Variants in STXBP5L observed in about 807,000 individuals in gnomAD.
STXBP5L encodes syntaxin-binding protein 5-like.
STXBP5L carries 65 observed loss-of-function variants against 144.5 expected under a neutral mutation model. That is an observed-to-expected ratio of 0.45 (90% CI 0.37 to 0.55). STXBP5L has a LOEUF of 0.55. STXBP5L is among the 20% of genes least tolerant of loss of function. The pLI is 0.00. For synonymous variants in STXBP5L, 505 were observed against 469.6 expected, an observed-to-expected ratio of 1.08 and a Z score of -0.97; for missense variants, 1,298 against 1,405.5, an observed-to-expected ratio of 0.92 and a Z score of 1.22.
chr3:121,409,375 T>C (rs771653306), intron 23 of STXBP5L, among the ~76,000 whole-genome samples: 27 of 151,850 alleles, frequency 1.8e-4, no homozygotes, highest in Admixed American at 3.3e-4. Flanking sequence ...TAGTAAAATA[T>C]AGCAGAGAGG....
At chr3:121,330,761 C>T (rs2044297106) in intron 20 of STXBP5L, among the ~76,000 whole-genome samples, 1 of 152,194 alleles carries the variant, frequency 6.6e-6, no homozygotes, top group South Asian at 2.1e-4. Flanking sequence ...TGCATGACCT[C>T]AGCTACCAAC....
intron 8 of STXBP5L, among the ~76,000 whole-genome samples, chr3:121,156,762 TAAA>T (rs912292194): frequency 2.0e-5 from 3 of 151,838 alleles, no homozygotes; most frequent in African/African-American, 4.8e-5. Context: ...ATAATACAAA[TAAA>T]AAGACAGTAT....
intron 18 of STXBP5L, among the ~76,000 whole-genome samples, chr3:121,273,236 T>G (rs74381899): frequency 0.12 from 18,281 of 152,014 alleles, 1,155 homozygotes; most frequent in Non-Finnish European, 0.14. Flanking sequence ...TGTTTGTCTG[T>G]GAAAGTATCT....
At chr3:120,927,626 G>T (rs192055486) in intron 2 of STXBP5L, among the ~76,000 whole-genome samples, 15 of 152,310 alleles carry the variant, frequency 9.8e-5, no homozygotes, top group Admixed American at 8.5e-4. Context: ...AGGCAGATTG[G>T]TGTGAGTGGG....
chr3:121,214,605 G>C (rs1028158910), intron 10 of STXBP5L, among the ~76,000 whole-genome samples: 1 of 151,978 alleles, frequency 6.6e-6, no homozygotes, highest in African/African-American at 2.4e-5. Context: ...GCATTTGCTG[G>C]GGAATGTTTT....
chr3:121,018,127 T>A (rs1052159945), intron 3 of STXBP5L, among the ~76,000 whole-genome samples: 4 of 152,142 alleles, frequency 2.6e-5, no homozygotes, highest in Non-Finnish European at 4.4e-5. Context: ...GGTACATGGA[T>A]AGCAATATTC....
intron 2 of STXBP5L, among the ~76,000 whole-genome samples, chr3:120,948,248 A>G (rs898618053): frequency 1.3e-5 from 2 of 151,106 alleles, no homozygotes; most frequent in Admixed American, 1.3e-4. Context: ...TATATTATTT[A>G]TTTATTATAT....
chr3:121,044,588 G>A (rs569571359), intron 4 of STXBP5L, among the ~76,000 whole-genome samples: 5 of 152,268 alleles, frequency 3.3e-5, no homozygotes, highest in Admixed American at 2.6e-4. Context: ...TAATGCTCTG[G>A]ATTTAGGATC....
chr3:121,366,717 G>A (rs373598272), intron 20 of STXBP5L, among the ~76,000 whole-genome samples: 4 of 152,020 alleles, frequency 2.6e-5, no homozygotes, highest in Non-Finnish European at 4.4e-5. Context: ...CTTTTGAGTA[G>A]AGGCTTTAAT....
intron 19 of STXBP5L, among the ~76,000 whole-genome samples, chr3:121,286,638 A>C (rs2051241325): frequency 6.6e-6 from 1 of 152,210 alleles, no homozygotes; most frequent in African/African-American, 2.4e-5. Flanking sequence ...TGGCCTATCC[A>C]ACATGGAAAC....
intron 3 of STXBP5L, among the ~76,000 whole-genome samples, chr3:121,011,700 C>T (rs1364684195): frequency 1.3e-5 from 2 of 151,270 alleles, no homozygotes; most frequent in African/African-American, 4.8e-5. Context: ...ATTAAGATCC[C>T]AAATCCTCTT....
Position 121,376,450 on chromosome 3 carries a change from C to T in STXBP5L, c.2177-2266C>T, listed in dbSNP as rs115403508. On this transcript the variant is annotated intron_variant, in intron 20 of 26. Transcript: ENST00000471454. ...GGGTCCAGTTTCAGTTTTCTGTATA[C>T]GGCTAGCCGGTTTTCCCAGCACCAT... Among the ~76,000 whole-genome samples the T allele has an allele frequency of 8.5e-3, 1,294 of 152,182 alleles. 17 individuals are homozygous for T. Among genetic ancestry groups the T allele is most frequent in the African/African-American group, 0.029 (1,221 of 41,536 alleles).
chr3:121,206,030 G>T (rs368841056), intron 10 of STXBP5L, 29 bp downstream of exon 10: 21 of 1,355,934 alleles, frequency 1.5e-5, no homozygotes, highest in Non-Finnish European at 2.0e-5. Flanking sequence ...GGGAAAGAGG[G>T]ATACGAAGCA....
chr3:121,205,931 C>T lies in STXBP5L; in HGVS notation c.886C>T (p.Gln296Ter). The change falls in exon 10 of 27, where the codon CAA becomes TAA. Residue 296 changes from glutamine to a stop codon, truncating the protein, a stop_gained. Coordinates refer to ENST00000471454, the MANE Select transcript of STXBP5L (RefSeq NM_001308330.2). LOFTEE classifies it high-confidence loss of function. ...FQTTIPHGKS[Q>*]REGRKSESCK... ...ATATTTTTTTTCTTTAGGAAAAAGTCAAAGAGAAGGAAGAAAATCTGAATC... is the reference window on the plus strand; with the variant it reads ...ATATTTTTTTTCTTTAGGAAAAAGTTAAAGAGAAGGAAGAAAATCTGAATC... 1 of 1,494,126 alleles carries T rather than the reference C, an allele frequency of 6.7e-7. No individual in the cohort carries two copies. Among genetic ancestry groups the T allele is most frequent in the Non-Finnish European group, 8.9e-7 (1 of 1,120,230 alleles). The allele number at this position is 1,494,126 out of a possible 1,614,324, so 92.6% of individuals were successfully genotyped here. A position where few individuals can be genotyped will look rare whatever the true frequency, so the allele number is the denominator to read the frequency against.
intron 5 of STXBP5L, among the ~76,000 whole-genome samples, chr3:121,085,277 A>G (rs9833180): frequency 0.51 from 77,621 of 151,910 alleles, 20,289 homozygotes; most frequent in Admixed American, 0.6. Context: ...CGTTTTTGTC[A>G]TGAAATCTTT....
At chr3:120,923,607 A>G (rs1157502326) in intron 2 of STXBP5L, among the ~76,000 whole-genome samples, 7 of 151,984 alleles carry the variant, frequency 4.6e-5, no homozygotes, top group Non-Finnish European at 8.8e-5. Flanking sequence ...TTGTCATTCA[A>G]GAGCATGTTG....
chr3:121,356,432 C>G (rs1474584025), intron 20 of STXBP5L, among the ~76,000 whole-genome samples: 1 of 152,252 alleles, frequency 6.6e-6, no homozygotes, highest in Non-Finnish European at 1.5e-5. Context: ...TGCCACCTCA[C>G]AGCTCAATCT....
At chr3:121,010,735 A>G (rs1944711673) in intron 3 of STXBP5L, among the ~76,000 whole-genome samples, 1 of 151,920 alleles carries the variant, frequency 6.6e-6, no homozygotes, top group South Asian at 2.1e-4. Context: ...TATTCGTATA[A>G]TAACGGAAGC....
chr3:121,042,838 GA>G (rs1947253405), intron 4 of STXBP5L, among the ~76,000 whole-genome samples: 1 of 151,786 alleles, frequency 6.6e-6, no homozygotes. Flanking sequence ...ATGGGGTACT[GA>G]AATGAGAAAG....
Sources: allele counts gnomAD v4.1 joint callset (sites outside exome capture counted in the v4.1 genomes callset), GRCh38; gene constraint gnomAD v4.1.1; transcripts MANE v1.5; gene names NCBI Gene and HGNC (gene_info 2026-07-23, HGNC 2026-07-21).